YTHDF3: variants seen among roughly 807,000 people sequenced by gnomAD.
YTHDF3 encodes the protein YTH domain-containing family protein 3.
YTHDF3 carries 9 observed loss-of-function variants against 52.5 expected under a neutral mutation model. That is an observed-to-expected ratio of 0.17 (90% CI 0.10 to 0.30). YTHDF3 has a LOEUF of 0.30. Ranked by LOEUF, YTHDF3 falls within the 10% of genes least tolerant of loss-of-function variation. The pLI is 1.00. For synonymous variants in YTHDF3, 274 were observed against 243.3 expected, an observed-to-expected ratio of 1.13 and a Z score of -1.18; for missense variants, 534 against 715.0, an observed-to-expected ratio of 0.75 and a Z score of 2.89.
intron 4 of YTHDF3, among the ~76,000 whole-genome samples, chr8:63,198,608 C>A (rs1238872904): frequency 6.6e-6 from 1 of 152,096 alleles, no homozygotes; most frequent in Non-Finnish European, 1.5e-5. Flanking sequence ...GTGCCTGATA[C>A]ATTTTTTTTC....
At chr8:63,194,600 T>C (rs539026941) in intron 4 of YTHDF3, among the ~76,000 whole-genome samples, 12 of 152,334 alleles carry the variant, frequency 7.9e-5, no homozygotes, top group African/African-American at 2.9e-4. Context: ...CCCCATCTGC[T>C]TTATGGTTCT....
chr8:63,180,075 AC>A (rs369234743), intron 3 of YTHDF3, among the ~76,000 whole-genome samples: 20,845 of 135,640 alleles, frequency 0.15, 1,822 homozygotes, highest in South Asian at 0.29. Flanking sequence ...CGGGGGGCTG[AC>A]CCCCCCCACC....
chr8:63,186,981 C>G lies in YTHDF3; in HGVS notation c.970C>G (p.Gln324Glu). 1 of 1,613,588 alleles carries G rather than the reference C, an allele frequency of 6.2e-7. No individual in the cohort carries two copies. Among genetic ancestry groups the G allele is most frequent in the East Asian group, 2.2e-5 (1 of 44,866 alleles). ...VQSQLPQQQPQPPQPQQQQGP... is the reference protein window; with the variant it reads ...VQSQLPQQQPEPPQPQQQQGP... ...AAGCCAACTGCCTCAACAGCAGCCT[C>G]AACCACCACAACCACAGCAGCAACA... Residue 324 changes from glutamine to glutamate, a missense_variant, in exon 4 of 5, where the codon CAA becomes GAA. Around this residue, in one of 3 missense-constraint regions of YTHDF3, gnomAD observed 203 missense variants for 201.3 expected, o/e 1.01. Transcript: ENST00000539294.
At chr8:63,205,539 T>C (rs1030937709) in intron 4 of YTHDF3, among the ~76,000 whole-genome samples, 1 of 151,852 alleles carries the variant, frequency 6.6e-6, no homozygotes, top group Non-Finnish European at 1.5e-5. Context: ...GTTCAAGCAA[T>C]TCTCCTGCTT....
chr8:63,185,926 C>T (rs1808469217), intron 3 of YTHDF3, among the ~76,000 whole-genome samples: 1 of 152,100 alleles, frequency 6.6e-6, no homozygotes, highest in African/African-American at 2.4e-5. Context: ...CTGAAAAAAG[C>T]CATATAGGTT....
At chr8:63,196,071 G>T (rs1391151802) in intron 4 of YTHDF3, among the ~76,000 whole-genome samples, 1 of 151,956 alleles carries the variant, frequency 6.6e-6, no homozygotes. Flanking sequence ...GGGATTACAG[G>T]CATGAATCAC....
At chr8:63,174,291 C>G (rs1468363191) in intron 2 of YTHDF3, among the ~76,000 whole-genome samples, 1 of 152,172 alleles carries the variant, frequency 6.6e-6, no homozygotes. Context: ...TACATAGTGC[C>G]ACCTCATCAA....
intron 3 of YTHDF3, among the ~76,000 whole-genome samples, chr8:63,181,906 T>A (rs1161336669): frequency 2.0e-5 from 3 of 152,214 alleles, no homozygotes; most frequent in African/African-American, 7.2e-5. Flanking sequence ...ACATTTTTCT[T>A]ATGACATGAT....
chr8:63,203,587 T>A (rs1260722851), intron 4 of YTHDF3, among the ~76,000 whole-genome samples: 3 of 152,244 alleles, frequency 2.0e-5, no homozygotes, highest in Non-Finnish European at 4.4e-5. Context: ...TACATTTATT[T>A]AAACTAAGAA....
At chr8:63,207,720 AC>A (rs1253624556) in intron 4 of YTHDF3, among the ~76,000 whole-genome samples, 1 of 152,124 alleles carries the variant, frequency 6.6e-6, no homozygotes, top group Non-Finnish European at 1.5e-5. Context: ...TGTCTGACTT[AC>A]CCTTAAGAAG....
chr8:63,197,131 A>G (rs987892061), intron 4 of YTHDF3, among the ~76,000 whole-genome samples: 1 of 152,210 alleles, frequency 6.6e-6, no homozygotes, highest in African/African-American at 2.4e-5. Context: ...TAAAATTTCT[A>G]GATAGCCTTT....
upstream of YTHDF3, chr8:63,168,572 C>G: frequency 3.8e-6 from 2 of 522,644 alleles, no homozygotes; most frequent in Non-Finnish European, 6.8e-6. Flanking sequence ...GAGGTGAGCG[C>G]GGACGTCAGA....
Position 63,187,402 on chromosome 8 carries a change from T to C in YTHDF3, c.1391T>C (p.Leu464Pro), listed in dbSNP as rs764411560. The C allele has an allele frequency of 4.3e-6, 7 of 1,613,998 alleles. No individual in the cohort carries two copies. Among genetic ancestry groups the C allele is most frequent in the Non-Finnish European group, 5.9e-6 (7 of 1,179,884 alleles). The change falls in exon 4 of 5, where the codon CTC (leucine) becomes CCC (proline). Residue 464 changes from leucine to proline, a missense_variant. Physicochemically the swap from Leu to Pro is moderately conservative, Grantham distance 98 (BLOSUM62 -3). Around this residue, in one of 3 missense-constraint regions of YTHDF3, gnomAD observed 135 missense variants for 214.2 expected, o/e 0.63. Transcript: ENST00000539294. Reference sequence around the variant, plus strand: ...AATGGGAAAGGCCCACTCTATTTACTCTTCAGTGTGAATGGCAGTGGACAT... The same window carrying C: ...AATGGGAAAGGCCCACTCTATTTACCCTTCAGTGTGAATGGCAGTGGACAT... Reference protein sequence around the residue: ...SLNGKGPLYLLFSVNGSGHFC... With the variant: ...SLNGKGPLYLPFSVNGSGHFC...
chr8:63,189,077 C>G (rs1377258423), intron 4 of YTHDF3: 2 of 152,098 alleles, frequency 1.3e-5, no homozygotes, highest in African/African-American at 4.8e-5. Context: ...AGCACTTGTA[C>G]AAAATAGAGG....
rs1188158816 is a variant in YTHDF3 at position 63,175,337 on chromosome 8, T to C, written c.56T>C (p.Val19Ala). The change falls in exon 3 of 5, where the codon GTA (valine) becomes GCA (alanine). Residue 19 changes from valine (V) to alanine (A), a missense_variant. By Grantham distance (64) the Val-to-Ala change is moderately conservative (BLOSUM62 0). Around this residue, in one of 3 missense-constraint regions of YTHDF3, gnomAD observed 196 missense variants for 299.5 expected, o/e 0.65. Coordinates refer to ENST00000539294, the MANE Select transcript of YTHDF3 (RefSeq NM_152758.6). ...AATACAAACATTTTTTTAGTTTCAG[T>C]ACAAAACGGTTCGATTCATCAAAAA... ...RPKGQGNKVS[V>A]QNGSIHQKDA... The C allele has an allele frequency of 1.9e-6, 3 of 1,607,272 alleles. No individual in the cohort carries two copies. Among genetic ancestry groups the C allele is most frequent in the Admixed American group, 3.4e-5 (2 of 59,290 alleles).
intron 3 of YTHDF3, among the ~76,000 whole-genome samples, chr8:63,181,112 G>A (rs1175684921): frequency 6.6e-6 from 1 of 152,188 alleles, no homozygotes; most frequent in Non-Finnish European, 1.5e-5. Flanking sequence ...TAAATTTGAA[G>A]AATAATTTGG....
chr8:63,195,278 T>A (rs1809162344), intron 4 of YTHDF3, among the ~76,000 whole-genome samples: 1 of 152,218 alleles, frequency 6.6e-6, no homozygotes, highest in South Asian at 2.1e-4. Context: ...CAATACCCCA[T>A]TAAAAGAAGC....
intron 3 of YTHDF3, among the ~76,000 whole-genome samples, chr8:63,180,267 C>T (rs970923674): frequency 6.7e-6 from 1 of 149,436 alleles, no homozygotes; most frequent in Non-Finnish European, 1.5e-5. Context: ...ACGGGGCGGC[C>T]GGGCAGAGAT....
intron 3 of YTHDF3, among the ~76,000 whole-genome samples, chr8:63,180,961 G>A (rs183201537): frequency 5.5e-4 from 84 of 152,342 alleles, no homozygotes; most frequent in Non-Finnish European, 1.0e-3. Context: ...GAGGGAGACC[G>A]TGGAAAGAGG....
Sources: allele counts gnomAD v4.1 joint callset (sites outside exome capture counted in the v4.1 genomes callset), GRCh38; gene constraint gnomAD v4.1.1; regional missense constraint gnomAD v4.1.1; transcripts MANE v1.5; gene names NCBI Gene and HGNC (gene_info 2026-07-23, HGNC 2026-07-21).